The following RBFOX1 variants were observed in gnomAD, a reference collection of about 807,000 sequenced individuals.
RBFOX1 encodes the protein RNA binding protein fox-1 homolog 1.
A neutral mutation model predicts 57.7 loss-of-function variants in RBFOX1; 8 were observed. That is an observed-to-expected ratio of 0.14 (90% CI 0.08 to 0.25). The LOEUF (loss-of-function observed/expected upper bound fraction) is 0.25. RBFOX1 is among the 10% of genes least tolerant of loss of function. The pLI, the probability that RBFOX1 is intolerant of heterozygous loss-of-function variation, is 1.00. For synonymous variants in RBFOX1, 326 were observed against 222.4 expected (o/e 1.47, Z -4.15); for missense variants, 611 against 548.5 (o/e 1.11, Z -1.14).
chr16:7,684,826 T>G (rs1293877775), intron 14 of RBFOX1, among the ~76,000 whole-genome samples: 1 of 152,078 alleles, frequency 6.6e-6, no homozygotes, highest in African/African-American at 2.4e-5. Context: ...TGGAGGCACT[T>G]TAATAATTCT....
At chr16:5,319,150 C>CAAAA (rs557512374) in intron 1 of RBFOX1, among the ~76,000 whole-genome samples, 3 of 149,750 alleles carry the variant, frequency 2.0e-5, no homozygotes, top group African/African-American at 5.1e-5. Context: ...AACAAACAAA[C>CAAAA]AAAAAAACAT....
chr16:6,084,653 C>T (rs749465381), intron 1 of RBFOX1, among the ~76,000 whole-genome samples: 2 of 152,114 alleles, frequency 1.3e-5, no homozygotes, highest in African/African-American at 4.8e-5. Flanking sequence ...AAAAAGTAAG[C>T]CTGCTCTCTC....
intron 1 of RBFOX1, among the ~76,000 whole-genome samples, chr16:6,031,038 G>A (rs114942446): frequency 0.016 from 2,403 of 152,230 alleles, 38 homozygotes; most frequent in Middle Eastern, 0.092. Context: ...AGAATTACCC[G>A]TTATCATAAG....
chr16:5,465,352 A>G (rs372633858), intron 1 of RBFOX1, among the ~76,000 whole-genome samples: 1 of 151,878 alleles, frequency 6.6e-6, no homozygotes, highest in South Asian at 2.1e-4. Context: ...GGCCCAGTCT[A>G]ACAGCCTCAT....
At chr16:6,499,746 T>C (rs2095863001) in intron 2 of RBFOX1, among the ~76,000 whole-genome samples, 1 of 152,150 alleles carries the variant, frequency 6.6e-6, no homozygotes. Flanking sequence ...GGGCAAACTA[T>C]AATTTCACTT....
chr16:6,415,912 T>C (rs2093612391), intron 2 of RBFOX1, among the ~76,000 whole-genome samples: 1 of 152,220 alleles, frequency 6.6e-6, no homozygotes, highest in Non-Finnish European at 1.5e-5. Flanking sequence ...TGGGTTCACT[T>C]TGAGGACCTT....
intron 1 of RBFOX1, among the ~76,000 whole-genome samples, chr16:5,274,791 C>G (rs925322355): frequency 1.3e-5 from 2 of 152,220 alleles, no homozygotes; most frequent in Non-Finnish European, 2.9e-5. Context: ...TAAGATCTGT[C>G]TCTGGCAGAG....
intron 2 of RBFOX1, among the ~76,000 whole-genome samples, chr16:5,547,550 A>G (rs1165187409): frequency 6.6e-6 from 1 of 152,216 alleles, no homozygotes; most frequent in Non-Finnish European, 1.5e-5. Context: ...AATTCTAAAA[A>G]ATGCAAATCT....
At chr16:6,391,326 G>A (rs1215866982) in intron 2 of RBFOX1, among the ~76,000 whole-genome samples, 1 of 151,948 alleles carries the variant, frequency 6.6e-6, no homozygotes, top group Non-Finnish European at 1.5e-5. Flanking sequence ...TGGCTAACAC[G>A]GTGAAACCCC....
intron 1 of RBFOX1, among the ~76,000 whole-genome samples, chr16:5,434,587 G>C (rs2067858630): frequency 6.6e-6 from 1 of 152,086 alleles, no homozygotes; most frequent in South Asian, 2.1e-4. Context: ...CCAAAGTGCT[G>C]AGATTACAGG....
intron 2 of RBFOX1, among the ~76,000 whole-genome samples, chr16:5,514,227 T>C (rs185423051): frequency 1.6e-4 from 25 of 152,334 alleles, no homozygotes; most frequent in Admixed American, 1.6e-3. Flanking sequence ...TCTGAGGGTC[T>C]ACTGTTGGCT....
At chr16:6,029,818 G>A (rs534080595) in intron 1 of RBFOX1, among the ~76,000 whole-genome samples, 1 of 149,566 alleles carries the variant, frequency 6.7e-6, no homozygotes, top group Admixed American at 6.6e-5. Context: ...GTTATTGAAT[G>A]TAGGTGAGGG....
chr16:7,112,218 C>T (rs2064928103), intron 4 of RBFOX1, among the ~76,000 whole-genome samples: 1 of 151,948 alleles, frequency 6.6e-6, no homozygotes, highest in Non-Finnish European at 1.5e-5. Context: ...CAAACCAATT[C>T]ATTTTTTTGA....
chr16:5,330,577 G>A (rs2064723699), intron 1 of RBFOX1, among the ~76,000 whole-genome samples: 1 of 151,990 alleles, frequency 6.6e-6, no homozygotes, highest in African/African-American at 2.4e-5. Context: ...GCTAATTTTT[G>A]TATTTCTAGT....
chr16:7,704,807 T>G (rs1478865524), intron 14 of RBFOX1, among the ~76,000 whole-genome samples: 1 of 152,076 alleles, frequency 6.6e-6, no homozygotes, highest in African/African-American at 2.4e-5. Context: ...TCCTAGCACT[T>G]TGGGAGGCCA....
intron 4 of RBFOX1, among the ~76,000 whole-genome samples, chr16:5,950,636 C>G (rs541529146): frequency 1.3e-5 from 2 of 152,252 alleles, no homozygotes; most frequent in South Asian, 2.1e-4. Flanking sequence ...GAGTGGAAAC[C>G]TTTCGGTTAT....
At chr16:6,018,987 GC>G, upstream of RBFOX1, 1 of 725,782 alleles carries the variant, frequency 1.4e-6, no homozygotes, top group Non-Finnish European at 1.7e-6. Flanking sequence ...GGCGGCGCTG[GC>G]GAGGGGAAGG....
intron 3 of RBFOX1, among the ~76,000 whole-genome samples, chr16:5,725,925 C>A (rs1050792472): frequency 6.6e-6 from 1 of 151,942 alleles, no homozygotes; most frequent in African/African-American, 2.4e-5. Flanking sequence ...TCAGTTCCTT[C>A]CTTTGCTGAT....
chr16:7,551,762 G>A (rs1190393031), intron 5 of RBFOX1, among the ~76,000 whole-genome samples: 1 of 152,142 alleles, frequency 6.6e-6, no homozygotes, highest in Admixed American at 6.5e-5. Context: ...AGATCCCACT[G>A]GTAGCTTGAA....
Sources: allele counts gnomAD v4.1 joint callset (sites outside exome capture counted in the v4.1 genomes callset), GRCh38; gene constraint gnomAD v4.1.1; transcripts MANE v1.5; gene names NCBI Gene and HGNC (gene_info 2026-07-23, HGNC 2026-07-21).